PITHD1: variants seen among roughly 807,000 people sequenced by gnomAD.
PITHD1 encodes the protein PITH domain-containing protein 1.
PITHD1 carries 8 observed loss-of-function variants against 27.5 expected under a neutral mutation model. The ratio of observed to expected loss-of-function variants is 0.29; its 90% confidence interval spans 0.17 to 0.52. The LOEUF (loss-of-function observed/expected upper bound fraction) is 0.52, where lower values mean the gene tolerates loss of function less well. Among genes scored for constraint, PITHD1 ranks in the 20% least tolerant of loss-of-function variants. PITHD1 has a pLI of 0.96. For synonymous variants in PITHD1, 118 were observed against 106.8 expected (o/e 1.10, Z -0.64); for missense variants, 233 against 283.9 (o/e 0.82, Z 1.29).
intron 5 of PITHD1, among the ~76,000 whole-genome samples, chr1:23,786,754 T>A (rs1324884798): frequency 1.3e-5 from 2 of 151,786 alleles, no homozygotes; most frequent in African/African-American, 4.8e-5. Context: ...CACGCCTGGC[T>A]AATTTTTTTG....
intron 3 of PITHD1, chr1:23,785,379 G>A: frequency 4.6e-6 from 1 of 215,374 alleles, no homozygotes; most frequent in South Asian, 6.5e-5. Context: ...TGTAGTCCCA[G>A]CTACTCAGGA....
intron 2 of PITHD1, 84 bp downstream of exon 2, chr1:23,779,565 C>A: frequency 9.6e-7 from 1 of 1,036,880 alleles, no homozygotes; most frequent in Non-Finnish European, 1.5e-6. Context: ...GTGTCAAGAG[C>A]ACACATTTGC....
intron 2 of PITHD1, 52 bp from the exon 3 acceptor site, chr1:23,779,811 TA>T: frequency 7.4e-7 from 1 of 1,347,122 alleles, no homozygotes; most frequent in Non-Finnish European, 1.1e-6. Flanking sequence ...GTCACACAAC[TA>T]AACAGGTATT....
intron 3 of PITHD1, among the ~76,000 whole-genome samples, chr1:23,782,684 C>T (rs891123348): frequency 1.3e-5 from 2 of 152,054 alleles, no homozygotes; most frequent in African/African-American, 4.8e-5. Flanking sequence ...TCACTGCAGC[C>T]TCGACCTCCT....
At chr1:23,782,392 A>C (rs1638614821) in intron 3 of PITHD1, among the ~76,000 whole-genome samples, 1 of 151,362 alleles carries the variant, frequency 6.6e-6, no homozygotes, top group Non-Finnish European at 1.5e-5. Flanking sequence ...GCACTCCAAC[A>C]TGTGTGACAG....
intron 3 of PITHD1, among the ~76,000 whole-genome samples, chr1:23,781,045 G>A (rs968568548): frequency 6.7e-4 from 102 of 151,870 alleles, no homozygotes; most frequent in African/African-American, 1.8e-3. Flanking sequence ...AAAATTAGCC[G>A]GGCATGGTGG....
At chr1:23,783,219 G>A (rs1265607247) in intron 3 of PITHD1, among the ~76,000 whole-genome samples, 1 of 150,560 alleles carries the variant, frequency 6.6e-6, no homozygotes, top group Non-Finnish European at 1.5e-5. Context: ...GGATGGTCTC[G>A]ATCTCCTGAC....
chr1:23,779,503 A>C (rs545853030), intron 2 of PITHD1, 22 bp downstream of exon 2: 3 of 1,587,970 alleles, frequency 1.9e-6, no homozygotes, highest in African/African-American at 1.3e-5. Context: ...CTTGGTGCCT[A>C]CCTCAGGCTA....
chr1:23,785,745 C>T lies in PITHD1; in HGVS notation c.391C>T (p.Arg131Trp), dbSNP rs777478908. The T allele has an allele frequency of 4.0e-5, 64 of 1,606,030 alleles. No homozygotes were observed. The highest frequency in any genetic ancestry group is 6.7e-5 in the Admixed American group (4 of 59,986). ...REPDQTFSLN[R>W]DLTGELEYAT... Reference sequence around the variant, plus strand: ...GCCAGATCAGACCTTTAGTCTGAACCGGGATCTTACAGGAGAATTAGAGTA... The same window carrying T: ...GCCAGATCAGACCTTTAGTCTGAACTGGGATCTTACAGGAGAATTAGAGTA... The change falls in exon 4 of 6, where the codon CGG becomes TGG. Residue 131 changes from arginine (R) to tryptophan (W), a missense_variant. By Grantham distance (101) the Arg-to-Trp change is moderately radical. Transcript: ENST00000246151.
rs775615786 is a variant in PITHD1 at position 23,785,668 on chromosome 1, TTCTC to T, written c.321-6_321-3del. On this transcript the variant is annotated splice_region_variant and splice_polypyrimidine_tract_variant and intron_variant, in intron 3 of 5. Coordinates refer to ENST00000246151, the MANE Select transcript of PITHD1 (RefSeq NM_020362.5). ...TTTCTTGACTTTTCTTTCCTTTCCTTTCTCAGGTACAAGAATATTCCACAGATGT... is the reference window on the plus strand; with the variant it reads ...TTTCTTGACTTTTCTTTCCTTTCCTTAGGTACAAGAATATTCCACAGATGT... 4.5e-6 allele frequency: 7 copies of T among 1,560,844 alleles called. No individual in the cohort carries two copies. The Admixed American group carries it at 1.0e-4, about 22-fold the overall frequency.
Position 23,778,686 on chromosome 1 carries a change from G to A in PITHD1, c.171G>A (p.Pro57=). 3 of 1,311,144 alleles carry A rather than the reference G, an allele frequency of 2.3e-6. No homozygotes were observed. Among genetic ancestry groups the A allele is most frequent in the East Asian group, 3.0e-5 (1 of 33,152 alleles). 81.2% of individuals were successfully genotyped at this position (1,311,144 alleles called of 1,614,324 possible). The stretch of plus-strand genomic sequence containing the variant: ...GCAGCGGCCGCGGCGTCTTCAAGCC[G>A]TGGGAGGAGCGGACCGACCGCTCCA... ...REGSGRGVFK[P]WEERTDRSKF... is the part of the protein sequence containing the mutation. Residue 57 remains proline (P), a synonymous_variant, in exon 1 of 6, where the codon CCG becomes CCA. Transcript: ENST00000246151.
Position 23,786,443 on chromosome 1 carries a change from GT to G in PITHD1, c.534+24del. The G allele has an allele frequency of 1.6e-6, 2 of 1,265,196 alleles. No homozygotes were observed. The highest frequency in any genetic ancestry group is 1.7e-5 in the Admixed American group (1 of 58,482). The allele number at this position is 1,265,196 out of a possible 1,614,324, so 78.4% of individuals were successfully genotyped here. On this transcript the variant is annotated intron_variant, in intron 5 of 5. Coordinates refer to ENST00000246151, the MANE Select transcript of PITHD1 (RefSeq NM_020362.5). ...ACTGAGGTAAGATGGGGTTGGAAAGGTTTTCCCCTCATGTCTACATATCTGC... is the reference window on the plus strand; with the variant it reads ...ACTGAGGTAAGATGGGGTTGGAAAGGTTTCCCCTCATGTCTACATATCTGC...
In PITHD1 at chr1:23,778,501, G is replaced by A; in HGVS notation, c.-15G>A. 3.0e-6 allele frequency: 4 copies of A among 1,347,180 alleles called. No homozygotes were observed. Among genetic ancestry groups the A allele is most frequent in the East Asian group, 3.1e-5 (1 of 32,440 alleles). 83.5% of individuals were successfully genotyped at this position (1,347,180 alleles called of 1,614,324 possible). ...GGCGGTGGGGCCGAGAGGACGCGCA[G>A]GTGGCGGCGTTGCCATGTCGCACGG... On this transcript the variant is annotated 5_prime_UTR_variant, in exon 1 of 6. Transcript: ENST00000246151.
At chr1:23,781,386 C>T (rs909956579) in intron 3 of PITHD1, among the ~76,000 whole-genome samples, 18 of 150,962 alleles carry the variant, frequency 1.2e-4, no homozygotes, top group African/African-American at 3.9e-4. Context: ...TCACTTGAAC[C>T]GCGGAGGTGC....
At position 23,779,845 on chromosome 1, in the gene PITHD1, CT is replaced by C; in HGVS notation, c.243-18del. 1 of 1,603,712 alleles carries C rather than the reference CT, an allele frequency of 6.2e-7. No homozygotes were observed. The highest frequency in any genetic ancestry group is 8.5e-7 in the Non-Finnish European group (1 of 1,170,492). ...ATTCAAACTCAGGTTTGACAACCTT[CT>C]CTTTTGCATTCTGGCAGATTTACGG... On this transcript the variant is annotated intron_variant, in intron 2 of 5. Coordinates refer to ENST00000246151, the MANE Select transcript of PITHD1 (RefSeq NM_020362.5).
intron 3 of PITHD1, among the ~76,000 whole-genome samples, chr1:23,783,403 A>G (rs1360682884): frequency 6.9e-6 from 1 of 144,202 alleles, no homozygotes. Flanking sequence ...ATATACGCAT[A>G]TATACACATA....
In PITHD1 at chr1:23,778,635, G is replaced by T; in HGVS notation, c.120G>T (p.Leu40=). 1 of 1,334,146 alleles carries T rather than the reference G, an allele frequency of 7.5e-7. No homozygotes were observed. Among genetic ancestry groups the T allele is most frequent in the Non-Finnish European group, 9.6e-7 (1 of 1,043,388 alleles). The allele number at this position is 1,334,146 out of a possible 1,614,324, so 82.6% of individuals were successfully genotyped here. A position where few individuals can be genotyped will look rare whatever the true frequency, so the allele number is the denominator to read the frequency against. The stretch of plus-strand genomic sequence containing the variant: ...ACCTGCGCATCGACCTGGAGCGGCT[G>T]CAATGCCTTAACGAGAGCCGCGAGG... ...GLYLRIDLER[L]QCLNESREGS... The change falls in exon 1 of 6, where the codon CTG becomes CTT. Residue 40 remains leucine (L), a synonymous_variant. Transcript: ENST00000246151.
intron 3 of PITHD1, among the ~76,000 whole-genome samples, chr1:23,783,884 A>G (rs1638645787): frequency 1.3e-5 from 2 of 152,232 alleles, no homozygotes; most frequent in Admixed American, 1.3e-4. Flanking sequence ...AAGTATGTGG[A>G]GATTCATTAT....
chr1:23,784,638 C>T (rs1638657324), intron 3 of PITHD1, among the ~76,000 whole-genome samples: 1 of 152,090 alleles, frequency 6.6e-6, no homozygotes, highest in Non-Finnish European at 1.5e-5. Flanking sequence ...GGACATGTGG[C>T]TTAGTCTTTG....
Sources: allele counts gnomAD v4.1 joint callset (sites outside exome capture counted in the v4.1 genomes callset), GRCh38; gene constraint gnomAD v4.1.1; transcripts MANE v1.5; gene names NCBI Gene and HGNC (gene_info 2026-07-23, HGNC 2026-07-21).